Variants in CALN1 observed in about 807,000 individuals in gnomAD.
CALN1 encodes the protein calneuron 1.
CALN1 carries 17 observed loss-of-function variants against 30.6 expected under a neutral mutation model. The ratio of observed to expected loss-of-function variants is 0.56; its 90% CI spans 0.38 to 0.83. The LOEUF is 0.83. Ranked by LOEUF, CALN1 falls within the 40% of genes least tolerant of loss-of-function variation. The pLI is 0.00. For synonymous variants in CALN1, 156 were observed against 131.4 expected, an observed-to-expected ratio of 1.19 and a Z score of -1.28; for missense variants, 291 against 354.9, an observed-to-expected ratio of 0.82 and a Z score of 1.45.
At chr7:71,888,430 A>G (rs1175798180) in intron 5 of CALN1, among the ~76,000 whole-genome samples, 2 of 145,014 alleles carry the variant, frequency 1.4e-5, no homozygotes, top group African/African-American at 5.3e-5. Context: ...TGAAGCCATT[A>G]TCGAGAGAGA....
intron 4 of CALN1, among the ~76,000 whole-genome samples, chr7:72,072,165 G>C (rs1469082416): frequency 6.6e-6 from 1 of 152,082 alleles, no homozygotes; most frequent in Non-Finnish European, 1.5e-5. Flanking sequence ...CAACATCCAA[G>C]AAGCTCAATG....
chr7:72,316,781 C>T (rs11981237), intron 2 of CALN1, among the ~76,000 whole-genome samples: 6 of 151,366 alleles, frequency 4.0e-5, no homozygotes, highest in Non-Finnish European at 8.8e-5. Context: ...CCTGTTTCTA[C>T]AAAAAACTTA....
intron 5 of CALN1, among the ~76,000 whole-genome samples, chr7:71,814,226 G>T (rs887293687): frequency 2.6e-5 from 4 of 152,170 alleles, no homozygotes; most frequent in African/African-American, 7.2e-5. Flanking sequence ...CCCATGTTTT[G>T]CTTTCCAGAG....
At chr7:71,999,821 T>C (rs1799438448) in intron 5 of CALN1, among the ~76,000 whole-genome samples, 1 of 151,924 alleles carries the variant, frequency 6.6e-6, no homozygotes, top group Non-Finnish European at 1.5e-5. Context: ...CCATATGCAT[T>C]TTTTTTAAAT....
At chr7:72,166,849 C>T (rs1307874336) in intron 3 of CALN1, among the ~76,000 whole-genome samples, 2 of 152,132 alleles carry the variant, frequency 1.3e-5, no homozygotes, top group African/African-American at 2.4e-5. Context: ...TCAAGACCAG[C>T]TTGGGCAACA....
chr7:71,832,378 G>A (rs1164177075), intron 5 of CALN1, among the ~76,000 whole-genome samples: 2 of 152,172 alleles, frequency 1.3e-5, no homozygotes, highest in Non-Finnish European at 2.9e-5. Flanking sequence ...GAGTCAAACA[G>A]CAACAAAGTG....
At position 72,076,611 on chromosome 7, in the gene CALN1, CAAAAAAAAAAAAAAAAAAAAAAA is replaced by C. The variant is rs572245834; in HGVS notation, c.388+29517_388+29539del. 2.9e-3 allele frequency among the ~76,000 whole-genome samples: 18 copies of C among 6,128 alleles called. 1 individual carries two copies. The highest frequency in any genetic ancestry group is 3.0e-3 in the Admixed American group (1 of 334). The allele number at this position is 6,128 out of a possible 152,430, so 4.0% of individuals were successfully genotyped here. On this transcript the variant is annotated intron_variant, in intron 4 of 6. Transcript: ENST00000395275. ...GAAACTCCGTCTAGAAAAAAAAAAG[CAAAAAAAAAAAAAAAAAAAAAAA>C]AAAAAAAAAAAAAGCAAAGACATGC...
Position 72,323,674 on chromosome 7 carries a change from AT to A in CALN1, c.120-44865del, listed in dbSNP as rs201332963. 1.2e-3 allele frequency among the ~76,000 whole-genome samples: 186 copies of A among 149,392 alleles called. 3 individuals are homozygous for A. Among genetic ancestry groups the A allele is most frequent in the Admixed American group, 5.5e-3 (82 of 14,922 alleles). On this transcript the variant is annotated intron_variant, in intron 2 of 6. Transcript: ENST00000395275. ...GAGACTCCATCTCAAAAAAAAAAAA[AT>A]AAAAAATAAAGAGAACAAAAAGAGA...
chr7:72,139,598 C>T (rs1029823868), intron 3 of CALN1, among the ~76,000 whole-genome samples: 1 of 151,174 alleles, frequency 6.6e-6, no homozygotes, highest in Non-Finnish European at 1.5e-5. Context: ...TTTCTAAGCA[C>T]CTCAGTCAAG....
chr7:72,330,451 G>A (rs1018003490), intron 2 of CALN1, among the ~76,000 whole-genome samples: 21 of 134,168 alleles, frequency 1.6e-4, no homozygotes, highest in African/African-American at 6.3e-4. Flanking sequence ...CTGGGCAACA[G>A]AGCAAGACTG....
At position 72,296,647 on chromosome 7, in the gene CALN1, C is replaced by T. The variant is rs1409664075; in HGVS notation, c.120-17837G>A. Among the ~76,000 whole-genome samples, 13 of 141,720 alleles carry T rather than the reference C, an allele frequency of 9.2e-5. No individual in the cohort carries two copies. The East Asian group carries it at 2.1e-3, about 23-fold the overall frequency. The allele number at this position is 141,720 out of a possible 152,430, so 93.0% of individuals were successfully genotyped here. The stretch of plus-strand genomic sequence containing the variant: ...TCTTCTAGATTTTCTAGTTTATTTG[C>T]GTAGAGGTGTTTGTAGTATTCTCTG... On this transcript the variant is annotated intron_variant, in intron 2 of 6. Transcript: ENST00000395275.
At chr7:71,964,408 G>A (rs1248581812) in intron 5 of CALN1, among the ~76,000 whole-genome samples, 2 of 152,168 alleles carry the variant, frequency 1.3e-5, no homozygotes, top group Non-Finnish European at 2.9e-5. Flanking sequence ...TTGTGTTAAT[G>A]AGCTCAATTA....
intron 3 of CALN1, among the ~76,000 whole-genome samples, chr7:72,111,086 C>T (rs955318198): frequency 7.2e-5 from 11 of 152,200 alleles, no homozygotes; most frequent in African/African-American, 2.4e-4. Flanking sequence ...TACGTGAGCA[C>T]GCTGTATCTT....
intron 5 of CALN1, among the ~76,000 whole-genome samples, chr7:71,847,553 A>G (rs529239464): frequency 6.6e-6 from 1 of 151,828 alleles, no homozygotes; most frequent in African/African-American, 2.4e-5. Context: ...GTGGTGGTGC[A>G]TGCCTGTAAT....
At chr7:72,343,807 T>C (rs1179365728) in intron 2 of CALN1, among the ~76,000 whole-genome samples, 1 of 152,206 alleles carries the variant, frequency 6.6e-6, no homozygotes, top group Admixed American at 6.5e-5. Flanking sequence ...AAAGGACTAC[T>C]GTTTCTCATT....
At chr7:72,365,014 A>G (rs1276023042) in intron 2 of CALN1, among the ~76,000 whole-genome samples, 1 of 151,642 alleles carries the variant, frequency 6.6e-6, no homozygotes, top group Non-Finnish European at 1.5e-5. Context: ...TACTAAAAAT[A>G]TAAAAATTAG....
intron 2 of CALN1, among the ~76,000 whole-genome samples, chr7:72,399,340 G>A (rs1027855880): frequency 9.6e-5 from 13 of 135,724 alleles, no homozygotes; most frequent in African/African-American, 3.7e-4. Context: ...GCGCGATCTT[G>A]GCTCACTGCA....
At chr7:72,269,495 C>T (rs1046322421) in intron 3 of CALN1, among the ~76,000 whole-genome samples, 1 of 152,104 alleles carries the variant, frequency 6.6e-6, no homozygotes, top group African/African-American at 2.4e-5. Flanking sequence ...GAAGCAGCTG[C>T]TATGAGGTTG....
chr7:72,228,308 C>T (rs926360526), intron 3 of CALN1, among the ~76,000 whole-genome samples: 1 of 151,728 alleles, frequency 6.6e-6, no homozygotes, highest in Non-Finnish European at 1.5e-5. Flanking sequence ...ATGCATGTAA[C>T]TCCACTCCTG....
Sources: gnomAD v4.1 joint callset for allele counts (sites outside exome capture counted in the v4.1 genomes callset) on GRCh38, gnomAD v4.1.1 for gene constraint, MANE v1.5 for transcripts, NCBI Gene and HGNC (gene_info 2026-07-23, HGNC 2026-07-21) for gene names.